The following SMYD3 variants were observed in gnomAD, a reference collection of about 807,000 sequenced individuals.
The protein encoded by SMYD3 is SET and MYND domain containing 3, also known as histone-lysine N-methyltransferase SMYD3.
SMYD3 carries 36 observed loss-of-function variants against 57.7 expected under a neutral mutation model. That is an observed-to-expected ratio of 0.62 (90% CI 0.48 to 0.82). The LOEUF is 0.82. SMYD3 is among the 40% of genes least tolerant of loss of function. The pLI is 0.00. For synonymous variants in SMYD3, 211 were observed against 195.0 expected (o/e 1.08, Z -0.68); for missense variants, 515 against 538.8 (o/e 0.96, Z 0.44).
chr1:245,907,471 G>A (rs919483854), intron 8 of SMYD3, among the ~76,000 whole-genome samples: 5 of 152,214 alleles, frequency 3.3e-5, no homozygotes, highest in East Asian at 1.9e-4. Context: ...AAATTCTTAG[G>A]AGAGTCCTAT....
At chr1:246,290,963 G>A (rs2064677867) in intron 5 of SMYD3, among the ~76,000 whole-genome samples, 1 of 151,942 alleles carries the variant, frequency 6.6e-6, no homozygotes, top group African/African-American at 2.4e-5. Context: ...AATATAAAAT[G>A]CTTTCCCATG....
chr1:246,068,936 G>C (rs746406254), intron 5 of SMYD3, among the ~76,000 whole-genome samples: 27 of 152,068 alleles, frequency 1.8e-4, no homozygotes, highest in Non-Finnish European at 3.8e-4. Context: ...TGAAAAGCTG[G>C]TCTCCCTTTT....
chr1:246,458,503 G>C (rs2067739932), intron 1 of SMYD3, among the ~76,000 whole-genome samples: 1 of 135,126 alleles, frequency 7.4e-6, no homozygotes, highest in Non-Finnish European at 1.5e-5. Context: ...CTGGAGTGCA[G>C]TGGTGCGATC....
At chr1:246,407,240 T>C (rs776278357) in intron 1 of SMYD3, among the ~76,000 whole-genome samples, 1 of 152,244 alleles carries the variant, frequency 6.6e-6, no homozygotes, top group African/African-American at 2.4e-5. Context: ...TAAGGAGCAA[T>C]TCTCATATTG....
At chr1:246,235,883 C>T (rs1414461940) in intron 5 of SMYD3, among the ~76,000 whole-genome samples, 1 of 152,106 alleles carries the variant, frequency 6.6e-6, no homozygotes, top group Non-Finnish European at 1.5e-5. Context: ...AACTGAGAAA[C>T]TGAATTTTTT....
chr1:246,174,308 A>G (rs2062396015), intron 5 of SMYD3, among the ~76,000 whole-genome samples: 1 of 152,162 alleles, frequency 6.6e-6, no homozygotes, highest in Admixed American at 6.5e-5. Context: ...AACACGAGTA[A>G]TGTGTTGTCT....
chr1:246,160,672 C>A (rs1191711918), intron 5 of SMYD3, among the ~76,000 whole-genome samples: 1 of 152,184 alleles, frequency 6.6e-6, no homozygotes, highest in African/African-American at 2.4e-5. Context: ...TGCTGTCTAA[C>A]CCCACATGAC....
chr1:246,428,144 C>G (rs899773791), intron 1 of SMYD3, among the ~76,000 whole-genome samples: 1 of 152,168 alleles, frequency 6.6e-6, no homozygotes, highest in Non-Finnish European at 1.5e-5. Flanking sequence ...TCAGTTAGCT[C>G]TTGTAAACAC....
intron 1 of SMYD3, among the ~76,000 whole-genome samples, chr1:246,424,948 T>C (rs1038355815): frequency 6.6e-6 from 1 of 152,220 alleles, no homozygotes; most frequent in African/African-American, 2.4e-5. Flanking sequence ...TTATATACTT[T>C]ACATAGCGAT....
intron 1 of SMYD3, among the ~76,000 whole-genome samples, chr1:246,408,489 A>G (rs909405136): frequency 2.0e-5 from 3 of 152,090 alleles, no homozygotes; most frequent in African/African-American, 4.8e-5. Context: ...GTTTCCTATC[A>G]ATATTTTACT....
chr1:246,186,108 G>T lies in SMYD3; in HGVS notation c.531+141093C>A, dbSNP rs529101003. Among the ~76,000 whole-genome samples the T allele has an allele frequency of 1.5e-3, 235 of 152,068 alleles. 1 individual carries two copies. Among genetic ancestry groups the T allele is most frequent in the African/African-American group, 5.4e-3 (223 of 41,468 alleles). ...AGTTCCCTTAATTCCCAGAATTGTG[G>T]TTTTTTACTGTATTGTTAAGAAATA... On this transcript the variant is annotated intron_variant, in intron 5 of 11. Transcript: ENST00000490107.
rs78975183 is a variant in SMYD3 at position 246,380,501 on chromosome 1, G to A, written c.165-25407C>T. Among the ~76,000 whole-genome samples, 1,357 of 152,226 alleles carry A rather than the reference G, an allele frequency of 8.9e-3. 8 individuals are homozygous for A. Among genetic ancestry groups the A allele is most frequent in the Non-Finnish European group, 0.013 (875 of 68,020 alleles). ...TAAAAACTATGTGATATTTTAAATG[G>A]AAAATGTTAATTATCTTTTAAAGAC... is the stretch of plus-strand genomic sequence containing the variant. On this transcript the variant is annotated intron_variant, in intron 1 of 11. Transcript: ENST00000490107.
chr1:245,914,549 A>T (rs2055253817), intron 8 of SMYD3, among the ~76,000 whole-genome samples: 1 of 152,194 alleles, frequency 6.6e-6, no homozygotes. Flanking sequence ...GTTCTCACTC[A>T]TATGTGGGAA....
intron 5 of SMYD3, among the ~76,000 whole-genome samples, chr1:246,041,111 A>G (rs1432025044): frequency 6.6e-6 from 1 of 152,216 alleles, no homozygotes; most frequent in African/African-American, 2.4e-5. Flanking sequence ...CATTCAGTAC[A>G]GTAACATGCT....
In SMYD3 at chr1:246,169,223, G is replaced by A. The variant is rs113315316; in HGVS notation, c.531+157978C>T. ...ACAGATGCCAAGGCCCAGGAGTCAC[G>A]GGTAAGCTCACGTTTATCTTCCACA... On this transcript the variant is annotated intron_variant, in intron 5 of 11. Coordinates refer to ENST00000490107, the MANE Select transcript of SMYD3 (RefSeq NM_001167740.2). Among the ~76,000 whole-genome samples, 302 of 152,052 alleles carry A rather than the reference G, an allele frequency of 2.0e-3. 1 individual carries two copies. Among genetic ancestry groups the A allele is most frequent in the African/African-American group, 5.5e-3 (230 of 41,442 alleles).
At chr1:246,146,872 C>T (rs1253968177) in intron 5 of SMYD3, among the ~76,000 whole-genome samples, 1 of 152,084 alleles carries the variant, frequency 6.6e-6, no homozygotes, top group East Asian at 1.9e-4. Context: ...ACTGTTCCTC[C>T]CTTGGTGAAG....
intron 5 of SMYD3, among the ~76,000 whole-genome samples, chr1:246,019,555 A>G (rs995115251): frequency 2.6e-5 from 4 of 152,176 alleles, no homozygotes; most frequent in Non-Finnish European, 5.9e-5. Context: ...TATCTTTGTT[A>G]TTTCCACAAA....
intron 4 of SMYD3, among the ~76,000 whole-genome samples, chr1:246,328,394 G>A (rs1035111443): frequency 9.9e-5 from 15 of 152,190 alleles, no homozygotes; most frequent in Non-Finnish European, 2.2e-4. Flanking sequence ...TTCACTTAAG[G>A]TCATGTGTAT....
chr1:246,009,512 G>A (rs529774893), intron 5 of SMYD3, among the ~76,000 whole-genome samples: 5 of 152,222 alleles, frequency 3.3e-5, no homozygotes, highest in Non-Finnish European at 7.4e-5. Flanking sequence ...ATGTATGTGT[G>A]TATACACATA....
Sources: gnomAD v4.1 joint callset for allele counts (sites outside exome capture counted in the v4.1 genomes callset) on GRCh38, gnomAD v4.1.1 for gene constraint, MANE v1.5 for transcripts, NCBI Gene and HGNC (gene_info 2026-07-23, HGNC 2026-07-21) for gene names.